Variants in SRGAP2C observed in about 807,000 individuals in gnomAD.
The protein encoded by SRGAP2C is SLIT-ROBO Rho GTPase-activating protein 2C.
In SRGAP2C, 15 loss-of-function variants were observed where a neutral mutation model predicts 25.1. The observed-to-expected ratio is 0.60, with a 90% CI of 0.40 to 0.92. The LOEUF (loss-of-function observed/expected upper bound fraction) is 0.92, where lower values mean the gene tolerates loss of function less well. Ranked by LOEUF, SRGAP2C falls within the 40% of genes least tolerant of loss-of-function variation. SRGAP2C has a pLI of 0.00. For missense variants in SRGAP2C, 144 were observed against 264.4 expected (o/e 0.54, Z 3.16); for synonymous variants, 44 against 96.6 (o/e 0.46, Z 3.19).
chr1:121,216,840 T>G (rs1391052975), intron 2 of SRGAP2C, among the ~76,000 whole-genome samples: 1 of 95,988 alleles, frequency 1.0e-5, no homozygotes, highest in Non-Finnish European at 2.1e-5. Context: ...GTCTCCTTCC[T>G]TTATTCTTCA....
chr1:121,306,161 G>C, intron 3 of SRGAP2C, among the ~76,000 whole-genome samples: 2 of 151,210 alleles, frequency 1.3e-5, no homozygotes, highest in South Asian at 4.2e-4. Flanking sequence ...AAATAAAGTA[G>C]ATATTCTTCT....
intron 2 of SRGAP2C, among the ~76,000 whole-genome samples, chr1:121,263,915 G>C (rs1656697256): frequency 6.6e-6 from 1 of 151,380 alleles, no homozygotes; most frequent in Non-Finnish European, 1.5e-5. Flanking sequence ...GTCTTTTTCT[G>C]GTGGATTGAG....
At position 121,268,510 on chromosome 1, in the gene SRGAP2C, C is replaced by A. The variant is rs587706939; in HGVS notation, c.68-16293C>A. Among the ~76,000 whole-genome samples the A allele has an allele frequency of 5.5e-4, 82 of 149,578 alleles. 4 individuals carry two copies. The South Asian group carries it at 0.017, about 31-fold the overall frequency. Reference sequence around the variant, plus strand: ...TGCAGGGAAGCAAGGGAGGAGGCAGCAAGACCAGTTAGGAGCTACCACAGC... The same window carrying A: ...TGCAGGGAAGCAAGGGAGGAGGCAGAAAGACCAGTTAGGAGCTACCACAGC... On this transcript the variant is annotated intron_variant, in intron 2 of 9. Coordinates refer to ENST00000367123, the MANE Select transcript of SRGAP2C (RefSeq NM_001329984.2).
chr1:121,259,412 AG>A (rs1340206907), intron 2 of SRGAP2C, among the ~76,000 whole-genome samples: 1 of 136,358 alleles, frequency 7.3e-6, no homozygotes, highest in African/African-American at 2.8e-5. Flanking sequence ...CCAGGGAGTC[AG>A]GGTTTGCAGT....
chr1:121,281,365 T>A (rs1657238253), intron 2 of SRGAP2C, among the ~76,000 whole-genome samples: 1 of 151,626 alleles, frequency 6.6e-6, no homozygotes, highest in African/African-American at 2.4e-5. Context: ...TCTTCTTTCT[T>A]TTTCTCCTCC....
intron 2 of SRGAP2C, among the ~76,000 whole-genome samples, chr1:121,231,739 G>A (rs1655826100): frequency 7.4e-6 from 1 of 134,956 alleles, no homozygotes; most frequent in Admixed American, 7.5e-5. Context: ...AAAGCTGTAG[G>A]GGTCAATCTG....
At chr1:121,340,549 AC>A (rs1332931203) in intron 4 of SRGAP2C, among the ~76,000 whole-genome samples, 1 of 149,240 alleles carries the variant, frequency 6.7e-6, no homozygotes, top group Non-Finnish European at 1.5e-5. Flanking sequence ...TAGATTTCTT[AC>A]ATCTCAGGTG....
intron 4 of SRGAP2C, among the ~76,000 whole-genome samples, chr1:121,362,592 C>T (rs1485311028): frequency 1.3e-5 from 2 of 151,554 alleles, no homozygotes; most frequent in Non-Finnish European, 2.9e-5. Flanking sequence ...CCTTTAACCT[C>T]TGCCATTCAA....
intron 4 of SRGAP2C, among the ~76,000 whole-genome samples, chr1:121,340,666 A>T (rs1303260242): frequency 7.3e-4 from 111 of 151,200 alleles, no homozygotes; most frequent in African/African-American, 2.4e-3. Context: ...AAACAGATTC[A>T]TGAAAAGTAA....
At chr1:121,351,551 A>G (rs1176937964) in intron 4 of SRGAP2C, among the ~76,000 whole-genome samples, 1 of 142,454 alleles carries the variant, frequency 7.0e-6, no homozygotes, top group Non-Finnish European at 1.5e-5. Context: ...CGGAGCTTGC[A>G]GTGAGCAGAG....
intron 7 of SRGAP2C, among the ~76,000 whole-genome samples, chr1:121,377,919 A>T (rs1452060873): frequency 6.6e-6 from 1 of 151,868 alleles, no homozygotes; most frequent in Non-Finnish European, 1.5e-5. Flanking sequence ...TTAGATATGT[A>T]TGTACACACT....
Position 121,284,943 on chromosome 1 carries a change from C to T in SRGAP2C, c.208C>T (p.Leu70=), listed in dbSNP as rs1657325883. The T allele has an allele frequency of 1.3e-6, 2 of 1,548,168 alleles. No homozygotes were observed. Among genetic ancestry groups the T allele is most frequent in the Admixed American group, 3.9e-5 (2 of 50,696 alleles). Residue 70 remains leucine (L), a synonymous_variant, in exon 3 of 10, where the codon CTG becomes TTG. Coordinates refer to ENST00000367123, the MANE Select transcript of SRGAP2C (RefSeq NM_001329984.2). Reference sequence around the variant, plus strand: ...GGACTACTCCCGCAACCTGGAGAAGCTGGCAGAACACTTCCTGGCCAAGAC... The same window carrying T: ...GGACTACTCCCGCAACCTGGAGAAGTTGGCAGAACACTTCCTGGCCAAGAC... ...EMDYSRNLEK[L]AEHFLAKTRS...
intron 2 of SRGAP2C, among the ~76,000 whole-genome samples, chr1:121,204,708 A>G (rs1460522394): frequency 1.3e-5 from 2 of 152,072 alleles, no homozygotes; most frequent in Non-Finnish European, 2.9e-5. Context: ...GATTTAGTTT[A>G]TCATCTTACT....
rs1443187984 is a variant in SRGAP2C at position 121,272,176 on chromosome 1, A to AG, written c.68-12627_68-12626insG. 1.4e-4 allele frequency among the ~76,000 whole-genome samples: 10 copies of AG among 73,278 alleles called. 1 individual carries two copies. The highest frequency in any genetic ancestry group is 1.9e-4 in the Non-Finnish European group (7 of 36,750). The allele number at this position is 73,278 out of a possible 152,430, so 48.1% of individuals were successfully genotyped here. ...ACTCCATCTCAAAAAAAAAAAAAAA[A>AG]AAGAAGAAGAAATGTATGTAGTGCT... On this transcript the variant is annotated intron_variant, in intron 2 of 9. Transcript: ENST00000367123.
At chr1:121,198,402 C>A (rs1654894688) in intron 2 of SRGAP2C, among the ~76,000 whole-genome samples, 1 of 121,130 alleles carries the variant, frequency 8.3e-6, no homozygotes, top group African/African-American at 3.2e-5. Flanking sequence ...TGTTTGAGCC[C>A]AGATCTTGCA....
chr1:121,222,632 C>T (rs1425880916), intron 2 of SRGAP2C, among the ~76,000 whole-genome samples: 1 of 152,028 alleles, frequency 6.6e-6, no homozygotes, highest in Non-Finnish European at 1.5e-5. Flanking sequence ...GTCTCAAAAA[C>T]AAGCTAACAA....
Position 121,354,396 on chromosome 1 carries a change from C to CTT in SRGAP2C, c.424-10875_424-10874dup, listed in dbSNP as rs71274571. Among the ~76,000 whole-genome samples the CTT allele has an allele frequency of 2.3e-3, 21 of 9,176 alleles. 5 individuals carry two copies. The highest frequency in any genetic ancestry group is 0.011 in the African/African-American group (20 of 1,868). 6.0% of individuals were successfully genotyped at this position (9,176 alleles called of 152,430 possible). A position where few individuals can be genotyped will look rare whatever the true frequency, so the allele number is the denominator to read the frequency against. On this transcript the variant is annotated intron_variant, in intron 4 of 9. Coordinates refer to ENST00000367123, the MANE Select transcript of SRGAP2C (RefSeq NM_001329984.2). ...TTCTTTCTTTCTGTCCTTTTTTTTTCTTTTTTTTTTTTTTTTTTTTTTTCT... is the reference window on the plus strand; with the variant it reads ...TTCTTTCTTTCTGTCCTTTTTTTTTCTTTTTTTTTTTTTTTTTTTTTTTTTCT...
chr1:121,291,054 G>A (rs1447051105), intron 3 of SRGAP2C, among the ~76,000 whole-genome samples: 2 of 134,060 alleles, frequency 1.5e-5, no homozygotes, highest in African/African-American at 2.8e-5. Context: ...AGAGAGACAC[G>A]AGGAAAACAG....
intron 2 of SRGAP2C, among the ~76,000 whole-genome samples, chr1:121,278,043 C>G (rs1289106257): frequency 6.7e-6 from 1 of 149,968 alleles, no homozygotes; most frequent in Admixed American, 6.7e-5. Context: ...TGGGCTCAAG[C>G]AAGCCTCCCA....
Sources: gnomAD v4.1 joint callset for allele counts (sites outside exome capture counted in the v4.1 genomes callset) on GRCh38, gnomAD v4.1.1 for gene constraint, MANE v1.5 for transcripts, NCBI Gene and HGNC (gene_info 2026-07-23, HGNC 2026-07-21) for gene names.